The following A2M variants were observed in gnomAD, a reference collection of about 807,000 sequenced individuals.
The protein encoded by A2M is alpha-2-macroglobulin.
Under a neutral mutation model 183.9 loss-of-function variants are expected in A2M, and 128 were observed. That is an observed-to-expected ratio of 0.70 (90% CI 0.60 to 0.81). The LOEUF (loss-of-function observed/expected upper bound fraction) is 0.81, where lower values mean the gene tolerates loss of function less well. A2M is among the 30% of genes least tolerant of loss of function. A2M has a pLI of 0.00. For synonymous variants in A2M, 592 were observed against 670.8 expected, an observed-to-expected ratio of 0.88 and a Z score of 1.81; for missense variants, 1,495 against 1,787.6, an observed-to-expected ratio of 0.84 and a Z score of 2.95.
chr12:9,093,013 A>G (rs765215942), intron 18 of A2M, among the ~76,000 whole-genome samples: 1 of 152,334 alleles, frequency 6.6e-6, no homozygotes, highest in African/African-American at 2.4e-5. Flanking sequence ...CAGGACAAGT[A>G]CTGCGTGATC....
At chr12:9,112,670 G>C in intron 2 of A2M, 134 bp from the exon 3 acceptor site, 1 of 901,678 alleles carries the variant, frequency 1.1e-6, no homozygotes, top group East Asian at 2.7e-5. Context: ...AGGGAAAGTT[G>C]GCATGGACAG....
chr12:9,079,097 C>G (rs1388712547), intron 25 of A2M, 147 bp downstream of exon 25: 2 of 586,750 alleles, frequency 3.4e-6, no homozygotes, highest in South Asian at 3.0e-5. Context: ...TTCTGATTAC[C>G]TTGCTAATCT....
In A2M at chr12:9,110,015, G is replaced by A. The variant is rs761730698; in HGVS notation, c.525C>T (p.Ile175=). 1.2e-5 allele frequency: 19 copies of A among 1,611,658 alleles called. No homozygotes were observed. In the Admixed American group the frequency reaches 1.3e-4, roughly 11 times the overall value. Residue 175 remains isoleucine (I), a synonymous_variant, in exon 6 of 36, where the codon ATC becomes ATT. Coordinates refer to ENST00000318602, the MANE Select transcript of A2M (RefSeq NM_000014.6). ...CTAACTGGAAACTCTGCCATTGTGC[G>A]ATGCGATTTCCTTTGGGATCCTATA... The part of the protein sequence containing the change: ...VYIQDPKGNR[I]AQWQSFQLEG...
chr12:9,091,570 A>T, intron 18 of A2M, 141 bp from the exon 19 acceptor site: 1 of 850,820 alleles, frequency 1.2e-6, no homozygotes, highest in Admixed American at 2.9e-5. Flanking sequence ...ATAATCAAGG[A>T]TTGAGATGGG....
intron 22 of A2M, among the ~76,000 whole-genome samples, chr12:9,081,278 A>T (rs995484453): frequency 4.0e-5 from 6 of 151,884 alleles, no homozygotes; most frequent in Admixed American, 1.3e-4. Context: ...CAACAGCAAA[A>T]TTTTTTTTTC....
Position 9,099,611 on chromosome 12 carries a change from G to A in A2M, c.1559-88C>T, listed in dbSNP as rs774481443. The A allele has an allele frequency of 4.2e-6, 6 of 1,427,486 alleles. No homozygotes were observed. The African/African-American group carries it at 8.6e-5, about 20-fold the overall frequency. 88.4% of individuals were successfully genotyped at this position (1,427,486 alleles called of 1,614,324 possible). On this transcript the variant is annotated intron_variant, in intron 13 of 35. Transcript: ENST00000318602. The stretch of plus-strand genomic sequence containing the variant: ...GTAACAGACATAATAAACAGTAGAT[G>A]TAACAAATGGATGATTACCTCTAAG...
intron 11 of A2M, 78 bp from the exon 12 acceptor site, chr12:9,101,752 TAC>T: frequency 8.6e-7 from 1 of 1,161,456 alleles, no homozygotes; most frequent in African/African-American, 1.5e-5. Context: ...TACGTAAGTT[TAC>T]TGTCCTACCT....
chr12:9,081,278 AT>A (rs1371400961), intron 22 of A2M, among the ~76,000 whole-genome samples: 1 of 151,768 alleles, frequency 6.6e-6, no homozygotes, highest in African/African-American at 2.4e-5. Flanking sequence ...CAACAGCAAA[AT>A]TTTTTTTTCT....
chr12:9,113,692 ATGCATAAG>A, intron 1 of A2M, 149 bp from the exon 2 acceptor site: 3 of 722,044 alleles, frequency 4.2e-6, no homozygotes, highest in Non-Finnish European at 6.7e-6. Context: ...GTTGAAGGCC[ATGCATAAG>A]AATTATTTCC....
At chr12:9,112,591 CT>C in intron 2 of A2M, 55 bp from the exon 3 acceptor site, 1 of 1,598,086 alleles carries the variant, frequency 6.3e-7, no homozygotes, top group Non-Finnish European at 8.6e-7. Context: ...GTCTCCTCCC[CT>C]ATTTGCTGTT....
intron 11 of A2M, among the ~76,000 whole-genome samples, chr12:9,103,596 A>T (rs1212588777): frequency 1.3e-5 from 2 of 152,100 alleles, no homozygotes; most frequent in African/African-American, 4.8e-5. Flanking sequence ...CTTGGCAACC[A>T]CCATCCTGTT....
chr12:9,077,180 C>A (rs1948772462), intron 27 of A2M, among the ~76,000 whole-genome samples, 166 bp downstream of exon 27: 1 of 152,014 alleles, frequency 6.6e-6, no homozygotes, highest in Admixed American at 6.6e-5. Flanking sequence ...AAATTTAAAC[C>A]TTTCTTAATG....
intron 17 of A2M, 135 bp from the exon 18 acceptor site, chr12:9,093,714 C>T: frequency 2.0e-6 from 1 of 512,566 alleles, no homozygotes; most frequent in Non-Finnish European, 3.3e-6. Flanking sequence ...GGAGAGGGCG[C>T]TTGGGTCATC....
intron 31 of A2M, among the ~76,000 whole-genome samples, chr12:9,071,054 A>C (rs1271147495): frequency 1.3e-5 from 2 of 151,996 alleles, no homozygotes; most frequent in African/African-American, 4.8e-5. Context: ...TCCCGACCTA[A>C]GGTAATCTGC....
chr12:9,079,493 T>C, intron 24 of A2M, 146 bp downstream of exon 24: 1 of 1,036,522 alleles, frequency 9.6e-7, no homozygotes, highest in Non-Finnish European at 1.4e-6. Context: ...GGTTGGAGAG[T>C]GGATAGTTTC....
chr12:9,100,675 T>C (rs1387990647), intron 13 of A2M, among the ~76,000 whole-genome samples: 1 of 152,216 alleles, frequency 6.6e-6, no homozygotes, highest in African/African-American at 2.4e-5. Context: ...TTGTTTTCCC[T>C]CCCTCAACTT....
At chr12:9,110,474 CTA>C (rs1304716692) in intron 4 of A2M, 140 bp from the exon 5 acceptor site, 4 of 499,432 alleles carry the variant, frequency 8.0e-6, no homozygotes, top group Non-Finnish European at 1.4e-5. Flanking sequence ...TTAAAAATAA[CTA>C]AAAGTATAAT....
intron 8 of A2M, 100 bp downstream of exon 8, chr12:9,107,424 T>C: frequency 7.1e-7 from 1 of 1,408,410 alleles, no homozygotes; most frequent in Non-Finnish European, 9.7e-7. Flanking sequence ...GGAATTCTCT[T>C]CTAGATTGTT....
chr12:9,079,045 G>A (rs118147868), intron 25 of A2M, among the ~76,000 whole-genome samples, 199 bp downstream of exon 25: 3 of 151,752 alleles, frequency 2.0e-5, no homozygotes, highest in Non-Finnish European at 2.9e-5. Context: ...ATCCATTTTG[G>A]AAACAAGCCT....
Sources: allele counts gnomAD v4.1 joint callset (sites outside exome capture counted in the v4.1 genomes callset), GRCh38; gene constraint gnomAD v4.1.1; transcripts MANE v1.5; gene names NCBI Gene and HGNC (gene_info 2026-07-23, HGNC 2026-07-21).